The following GDA variants were observed in gnomAD, a reference collection of about 807,000 sequenced individuals.
The protein encoded by GDA is cytoplasmic PSD-95 interactor.
A neutral mutation model predicts 59.6 loss-of-function variants in GDA; 18 were observed. The observed-to-expected ratio is 0.30, with a 90% CI of 0.21 to 0.45. The LOEUF is 0.45. GDA is among the 20% of genes least tolerant of loss of function. GDA has a pLI of 1.00. For synonymous variants in GDA, 201 were observed against 201.1 expected, an observed-to-expected ratio of 1.00 and a Z score of 0.00; for missense variants, 427 against 552.3, an observed-to-expected ratio of 0.77 and a Z score of 2.27.
Position 72,245,215 on chromosome 9 carries a change from C to T in GDA, c.1203C>T (p.Asn401=). The T allele has an allele frequency of 6.2e-7, 1 of 1,611,794 alleles. No individual in the cohort carries two copies. Reference sequence around the variant, plus strand: ...AGGAATTTGATGCCATCCTGATCAACCCCAAAGCATCCGACTCTCCCATTG... The same window carrying T: ...AGGAATTTGATGCCATCCTGATCAATCCCAAAGCATCCGACTCTCCCATTG... ...VGKEFDAILI[N]PKASDSPIDL... Residue 401 remains asparagine (N), a synonymous_variant, in exon 12 of 14, where the codon AAC becomes AAT. Coordinates refer to ENST00000358399, the MANE Select transcript of GDA (RefSeq NM_004293.5).
At chr9:72,155,338 A>G (rs1026200210) in intron 1 of GDA, among the ~76,000 whole-genome samples, 1 of 152,194 alleles carries the variant, frequency 6.6e-6, no homozygotes, top group African/African-American at 2.4e-5. Context: ...TGCCCCCATG[A>G]TTCAAGTTAT....
chr9:72,189,145 T>G (rs546837556), intron 1 of GDA, among the ~76,000 whole-genome samples: 46 of 148,186 alleles, frequency 3.1e-4, no homozygotes, highest in Non-Finnish European at 5.6e-4. Flanking sequence ...CACCCACATC[T>G]GATACAGAGG....
chr9:72,217,411 C>A (rs1836270013), intron 5 of GDA, among the ~76,000 whole-genome samples: 1 of 152,014 alleles, frequency 6.6e-6, no homozygotes, highest in African/African-American at 2.4e-5. Flanking sequence ...TTGTTGAAGC[C>A]AAAACCAAAA....
rs534471477 is a variant in GDA at position 72,207,392 on chromosome 9, T to C, written c.385-3295T>C. Among the ~76,000 whole-genome samples, 4 of 152,374 alleles carry C rather than the reference T, an allele frequency of 2.6e-5. No homozygotes were observed. The East Asian group carries it at 7.7e-4, about 29-fold the overall frequency. ...AAATGGTATGGGCCAGTTTTGTAAA[T>C]CATTAACTCACTCTTACTATTTATA... On this transcript the variant is annotated intron_variant, in intron 3 of 13. Transcript: ENST00000358399.
At chr9:72,214,838 A>T (rs1201651315) in intron 5 of GDA, 2 of 217,450 alleles carry the variant, frequency 9.2e-6, no homozygotes, top group South Asian at 1.0e-4. Flanking sequence ...TGTTCAAGAG[A>T]TTCTCCTGCC....
chr9:72,153,110 G>A (rs1180494461), intron 1 of GDA, among the ~76,000 whole-genome samples: 1 of 152,120 alleles, frequency 6.6e-6, no homozygotes, highest in Admixed American at 6.6e-5. Flanking sequence ...TAGATAGGCG[G>A]CATTATTTCT....
chr9:72,190,738 C>A (rs1014121964), intron 1 of GDA, among the ~76,000 whole-genome samples: 55 of 151,994 alleles, frequency 3.6e-4, no homozygotes, highest in African/African-American at 1.3e-3. Context: ...TACTTGAAAG[C>A]CTTCTGTTGA....
downstream of GDA, among the ~76,000 whole-genome samples, chr9:72,255,896 A>G (rs2131909404): frequency 6.6e-6 from 1 of 152,338 alleles, no homozygotes; most frequent in East Asian, 1.9e-4. Flanking sequence ...GAAACTCATG[A>G]TGAGACTCAC....
At chr9:72,161,171 G>GT (rs1828587228) in intron 1 of GDA, among the ~76,000 whole-genome samples, 1 of 151,750 alleles carries the variant, frequency 6.6e-6, no homozygotes, top group Non-Finnish European at 1.5e-5. Flanking sequence ...GCCTCCCAAA[G>GT]TGCTGGGATT....
At chr9:72,164,664 T>G (rs1283051862) in intron 1 of GDA, among the ~76,000 whole-genome samples, 1 of 152,162 alleles carries the variant, frequency 6.6e-6, no homozygotes, top group Non-Finnish European at 1.5e-5. Flanking sequence ...TACAAACATT[T>G]GCATTTGTAG....
At chr9:72,181,940 C>T (rs987883823) in intron 1 of GDA, among the ~76,000 whole-genome samples, 1 of 152,150 alleles carries the variant, frequency 6.6e-6, no homozygotes, top group Non-Finnish European at 1.5e-5. Context: ...CTATAGACTT[C>T]ACCCGGATTC....
At chr9:72,190,429 G>A (rs1237875176) in intron 1 of GDA, among the ~76,000 whole-genome samples, 1 of 152,086 alleles carries the variant, frequency 6.6e-6, no homozygotes, top group Non-Finnish European at 1.5e-5. Context: ...ACCCCGCCAT[G>A]TTTTCTTTTC....
intron 1 of GDA, among the ~76,000 whole-genome samples, chr9:72,131,813 G>A (rs1826036880): frequency 6.6e-6 from 1 of 152,092 alleles, no homozygotes; most frequent in Non-Finnish European, 1.5e-5. Context: ...TGCTATGGGA[G>A]GAAAAGAACT....
rs1186568348 is a variant in GDA, at chr9:72,177,903, C to T, written c.124-17597C>T. ...TTAGAGTCTCTGACAGTGGCAGTGA[C>T]CACATTGCTATGGTTAGCTGTATAA... On this transcript the variant is annotated intron_variant, in intron 1 of 13. Transcript: ENST00000358399. Among the ~76,000 whole-genome samples, 6 of 152,202 alleles carry T rather than the reference C, an allele frequency of 3.9e-5. No homozygotes were observed. The South Asian group carries it at 6.2e-4, about 16-fold the overall frequency.
rs1226346748 is a variant in GDA at position 72,153,168 on chromosome 9, G to T, written c.123+3486G>T. Among the ~76,000 whole-genome samples the T allele has an allele frequency of 9.9e-5, 15 of 152,226 alleles. No homozygotes were observed. In the South Asian group the frequency reaches 3.1e-3, roughly 32 times the overall value. On this transcript the variant is annotated intron_variant, in intron 1 of 13. Coordinates refer to ENST00000358399, the MANE Select transcript of GDA (RefSeq NM_004293.5). ...GATGTATATCTCTGTTTTGGTACCA[G>T]TACCATGCTGTTTTGGTTACTGTAG...
intron 2 of GDA, among the ~76,000 whole-genome samples, chr9:72,202,100 G>A (rs1340585233): frequency 6.6e-6 from 1 of 152,212 alleles, no homozygotes; most frequent in East Asian, 1.9e-4. Flanking sequence ...GATGACTGCT[G>A]AGTCTAAAAT....
intron 1 of GDA, among the ~76,000 whole-genome samples, chr9:72,165,773 C>T (rs1272783505): frequency 1.4e-5 from 2 of 147,308 alleles, no homozygotes; most frequent in East Asian, 2.0e-4. Context: ...TGGCAGGTGC[C>T]TGTAATCCCA....
intron 1 of GDA, among the ~76,000 whole-genome samples, chr9:72,152,002 T>C (rs1827277480): frequency 1.3e-5 from 2 of 152,200 alleles, no homozygotes; most frequent in African/African-American, 4.8e-5. Flanking sequence ...TTTCTGGGCA[T>C]CATCCTCAGA....
At chr9:72,170,956 A>G (rs1323313843) in intron 1 of GDA, among the ~76,000 whole-genome samples, 1 of 152,156 alleles carries the variant, frequency 6.6e-6, no homozygotes, top group East Asian at 1.9e-4. Context: ...ACCTGGGACT[A>G]CAGGCGTGCA....
Sources: allele counts gnomAD v4.1 joint callset (sites outside exome capture counted in the v4.1 genomes callset), GRCh38; gene constraint gnomAD v4.1.1; transcripts MANE v1.5; gene names NCBI Gene and HGNC (gene_info 2026-07-23, HGNC 2026-07-21).